RIMS1: variants seen among roughly 807,000 people sequenced by gnomAD.
The protein encoded by RIMS1 is regulating synaptic membrane exocytosis protein 1.
In RIMS1, 83 loss-of-function variants were observed where a neutral mutation model predicts 214.1. The ratio of observed to expected loss-of-function variants is 0.39; its 90% CI spans 0.32 to 0.47. RIMS1 has a LOEUF of 0.47. Among genes scored for constraint, RIMS1 ranks in the 20% least tolerant of loss-of-function variants. The pLI, the probability that RIMS1 is intolerant of heterozygous loss-of-function variation, is 0.99. For synonymous variants in RIMS1, 793 were observed against 786.8 expected (o/e 1.01, Z -0.13); for missense variants, 2,050 against 2,161.8 (o/e 0.95, Z 1.03).
At chr6:72,366,917 T>G in intron 29 of RIMS1, 13 of 882,246 alleles carry the variant, frequency 1.5e-5, no homozygotes, top group Non-Finnish European at 1.8e-5. Flanking sequence ...GGGAGTTTGT[T>G]TATTTATAAC....
At chr6:72,082,109 T>C (rs533628123) in intron 2 of RIMS1, among the ~76,000 whole-genome samples, 72 of 152,166 alleles carry the variant, frequency 4.7e-4, no homozygotes, top group Non-Finnish European at 8.7e-4. Flanking sequence ...TTGGAATAAA[T>C]TTTTTATTAC....
intron 28 of RIMS1, among the ~76,000 whole-genome samples, chr6:72,325,228 T>C (rs918341093): frequency 1.3e-5 from 2 of 151,724 alleles, no homozygotes; most frequent in Non-Finnish European, 2.9e-5. Context: ...ACAAAATCTC[T>C]CATTAAAATA....
intron 25 of RIMS1, 52 bp downstream of exon 25, chr6:72,290,913 T>G: frequency 1.9e-6 from 3 of 1,563,488 alleles, no homozygotes; most frequent in Non-Finnish European, 2.6e-6. Context: ...CGGGTGTTGG[T>G]GTGGTGTTGT....
intron 2 of RIMS1, among the ~76,000 whole-genome samples, chr6:72,012,928 T>C (rs1022276804): frequency 1.3e-5 from 2 of 152,214 alleles, no homozygotes; most frequent in East Asian, 3.8e-4. Flanking sequence ...CTAGGGTTAT[T>C]TGGTCTTAGA....
chr6:72,368,361 G>A (rs1279667411), intron 29 of RIMS1, among the ~76,000 whole-genome samples: 1 of 145,242 alleles, frequency 6.9e-6, no homozygotes, highest in Non-Finnish European at 1.5e-5. Context: ...GAGTGCAGTG[G>A]CGCAATCTCG....
chr6:72,057,395 C>G (rs1488631308), intron 2 of RIMS1, among the ~76,000 whole-genome samples: 1 of 151,944 alleles, frequency 6.6e-6, no homozygotes, highest in African/African-American at 2.4e-5. Context: ...GCAGCAAATT[C>G]AGGCTCGGAT....
At chr6:72,102,023 C>A (rs773032687) in intron 4 of RIMS1, among the ~76,000 whole-genome samples, 10 of 151,914 alleles carry the variant, frequency 6.6e-5, no homozygotes, top group Non-Finnish European at 1.2e-4. Context: ...TAAAAGCCCT[C>A]CTTGAAGCCT....
At chr6:72,379,689 T>C (rs1030031681) in intron 29 of RIMS1, among the ~76,000 whole-genome samples, 26 of 152,214 alleles carry the variant, frequency 1.7e-4, no homozygotes, top group Admixed American at 1.5e-3. Context: ...TTACATGAAT[T>C]ATCTCGTTTA....
At chr6:72,118,561 T>C (rs1177829886) in intron 4 of RIMS1, among the ~76,000 whole-genome samples, 2 of 151,576 alleles carry the variant, frequency 1.3e-5, no homozygotes, top group Non-Finnish European at 3.0e-5. Flanking sequence ...TGAACATAGA[T>C]GCAAAAATCT....
intron 2 of RIMS1, among the ~76,000 whole-genome samples, chr6:71,984,927 C>T (rs908126017): frequency 5.9e-5 from 9 of 152,110 alleles, no homozygotes; most frequent in Admixed American, 1.3e-4. Context: ...CCTTAGCACT[C>T]CTACACTCTT....
In RIMS1 at chr6:72,062,743, C is replaced by T. The variant is rs551873531; in HGVS notation, c.246-34206C>T. Among the ~76,000 whole-genome samples, 9 of 152,280 alleles carry T rather than the reference C, an allele frequency of 5.9e-5. No individual in the cohort carries two copies. In the East Asian group the frequency reaches 1.5e-3, roughly 26 times the overall value. ...GAATTTGGGGATTAGCAGGGCCATG[C>T]TCCCTGTGGAGGCACTAGGGACAGA... On this transcript the variant is annotated intron_variant, in intron 2 of 33. Coordinates refer to ENST00000521978, the MANE Select transcript of RIMS1 (RefSeq NM_014989.7).
chr6:72,215,329 C>A (rs533860349), intron 6 of RIMS1, among the ~76,000 whole-genome samples: 1 of 152,192 alleles, frequency 6.6e-6, no homozygotes, highest in Non-Finnish European at 1.5e-5. Flanking sequence ...CCCCGCTGCA[C>A]CTCCAACAAG....
chr6:72,309,324 A>C (rs2095394589), intron 27 of RIMS1, among the ~76,000 whole-genome samples: 1 of 152,114 alleles, frequency 6.6e-6, no homozygotes, highest in Non-Finnish European at 1.5e-5. Flanking sequence ...CTTGAAAATA[A>C]CTCAAAATCT....
intron 5 of RIMS1, among the ~76,000 whole-genome samples, chr6:72,181,360 C>G (rs2496505): frequency 0.69 from 105,505 of 152,020 alleles, 37,073 homozygotes; most frequent in East Asian, 0.84. Context: ...TCTCAGGGAA[C>G]GTAGAATTAA....
At chr6:72,003,567 A>C (rs1400273899) in intron 2 of RIMS1, among the ~76,000 whole-genome samples, 1 of 152,032 alleles carries the variant, frequency 6.6e-6, no homozygotes, top group Admixed American at 6.6e-5. Flanking sequence ...GAAAGAAAAA[A>C]TAATAAAGTT....
In RIMS1 at chr6:72,182,791, C is replaced by A. The variant is rs772564728; in HGVS notation, c.1320C>A (p.Gly440=). Residue 440 remains glycine, a synonymous_variant, in exon 6 of 34, where the codon GGC becomes GGA. Coordinates refer to ENST00000521978, the MANE Select transcript of RIMS1 (RefSeq NM_014989.7). The part of the protein sequence containing the change: ...AERTAETRAP[G]AKQLTNHSPP... Reference sequence around the variant, plus strand: ...GAACTGCGGAGACCAGGGCGCCGGGCGCCAAGCAGCTAACGAACCACAGCC... The same window carrying A: ...GAACTGCGGAGACCAGGGCGCCGGGAGCCAAGCAGCTAACGAACCACAGCC... 122 of 1,546,422 alleles carry A rather than the reference C, an allele frequency of 7.9e-5. No homozygotes were observed. Among genetic ancestry groups the A allele is most frequent in the Non-Finnish European group, 9.3e-5 (107 of 1,150,000 alleles).
Position 72,125,703 on chromosome 6 carries a change from C to T in RIMS1, c.471+25717C>T, listed in dbSNP as rs193057909. Among the ~76,000 whole-genome samples the T allele has an allele frequency of 1.2e-4, 19 of 152,336 alleles. No homozygotes were observed. The East Asian group carries it at 3.7e-3, about 29-fold the overall frequency. On this transcript the variant is annotated intron_variant, in intron 4 of 33. Coordinates refer to ENST00000521978, the MANE Select transcript of RIMS1 (RefSeq NM_014989.7). ...CAAGCCTCAGCAATGGTGGATGCCC[C>T]TCCCCCAGCCCAGGCTGCCACCTCG...
At chr6:71,917,681 G>A (rs1778829195) in intron 1 of RIMS1, among the ~76,000 whole-genome samples, 1 of 152,144 alleles carries the variant, frequency 6.6e-6, no homozygotes. Flanking sequence ...TATACTGTGA[G>A]GAGACAAGTG....
chr6:72,013,220 C>T (rs183623482), intron 2 of RIMS1, among the ~76,000 whole-genome samples: 1 of 152,276 alleles, frequency 6.6e-6, no homozygotes, highest in East Asian at 1.9e-4. Flanking sequence ...TTGCCTACGC[C>T]TGTCTGGAGA....
Sources: allele counts gnomAD v4.1 joint callset (sites outside exome capture counted in the v4.1 genomes callset), GRCh38; gene constraint gnomAD v4.1.1; transcripts MANE v1.5; gene names NCBI Gene and HGNC (gene_info 2026-07-23, HGNC 2026-07-21).